Variants in PCDH11X observed in about 807,000 individuals in gnomAD.
The protein encoded by PCDH11X is protocadherin 11 X-linked.
Under a neutral mutation model 53.3 loss-of-function variants are expected in PCDH11X, and 18 were observed. That is an observed-to-expected ratio of 0.34 (90% CI 0.23 to 0.50). The LOEUF (loss-of-function observed/expected upper bound fraction) is 0.50. PCDH11X is among the 20% of genes least tolerant of loss of function. PCDH11X has a pLI of 0.98. For missense variants in PCDH11X, 570 were observed against 1,032.4 expected (o/e 0.55, Z 6.14); for synonymous variants, 279 against 393.3 (o/e 0.71, Z 3.44).
chrX:92,148,173 C>CTTCTTTCTTTCTTTCTTTCT (rs1260262520), intron 6 of PCDH11X, among the ~76,000 whole-genome samples: 7 of 8,391 alleles, frequency 8.3e-4, no homozygotes, highest in Admixed American at 2.4e-3. Context: ...TCCTTCCTTC[C>CTTCTTTCTTTCTTTCTTTCT]TTCTTTCTTT....
chrX:92,147,951 C>A (rs2065318242), intron 6 of PCDH11X, among the ~76,000 whole-genome samples: 1 of 90,121 alleles, frequency 1.1e-5, no homozygotes, highest in Non-Finnish European at 2.1e-5. Context: ...TCCTTCCTTC[C>A]TTTCCTTCTT....
In PCDH11X at chrX:92,175,514, A is replaced by C. The variant is rs185565227; in HGVS notation, c.3034-25861A>C. 4.7e-4 allele frequency among the ~76,000 whole-genome samples: 52 copies of C among 109,942 alleles called. 1 individual carries two copies. In the East Asian group the frequency reaches 0.013, roughly 27 times the overall value. ...AATGCTAGGCACCTTTAGTTAAAAAAATTTTCTAAATTTTTGAAGCAGGTA... is the reference window on the plus strand; with the variant it reads ...AATGCTAGGCACCTTTAGTTAAAAACATTTTCTAAATTTTTGAAGCAGGTA... On this transcript the variant is annotated intron_variant, in intron 6 of 10. Transcript: ENST00000682573.
chrX:92,547,615 A>G (rs2074878117), intron 10 of PCDH11X, among the ~76,000 whole-genome samples: 1 of 110,362 alleles, frequency 9.1e-6, no homozygotes, highest in Admixed American at 9.7e-5. Flanking sequence ...CATTATGAGG[A>G]TTTATATTTA....
intron 8 of PCDH11X, among the ~76,000 whole-genome samples, chrX:92,318,739 T>A (rs1005966827): frequency 9.0e-6 from 1 of 111,197 alleles, no homozygotes; most frequent in African/African-American, 3.3e-5. Flanking sequence ...ATAGGAAAAT[T>A]GGCTTGTCTA....
chrX:92,581,757 A>G (rs1923737490), intron 10 of PCDH11X, among the ~76,000 whole-genome samples: 2 of 111,607 alleles, frequency 1.8e-5, no homozygotes, highest in East Asian at 5.6e-4. Context: ...TCTGAAGCAG[A>G]TAGAAAAATG....
chrX:92,600,351 A>T (rs1245213731), intron 10 of PCDH11X, among the ~76,000 whole-genome samples: 7 of 110,969 alleles, frequency 6.3e-5, no homozygotes, highest in Non-Finnish European at 1.3e-4. Context: ...TGTGGGCCAG[A>T]TCCAGGGTTT....
rs752145938 is a variant in PCDH11X, at chrX:92,412,876, G to A, written c.3343+24943G>A. On this transcript the variant is annotated intron_variant, in intron 9 of 10. Transcript: ENST00000682573. ...TCTAAGATAAGCAGCTAGAAGCTTCGTATGTACATGATCATATGTACATGT... is the reference window on the plus strand; with the variant it reads ...TCTAAGATAAGCAGCTAGAAGCTTCATATGTACATGATCATATGTACATGT... Among the ~76,000 whole-genome samples, 7 of 109,865 alleles carry A rather than the reference G, an allele frequency of 6.4e-5. No individual in the cohort carries two copies. The South Asian group carries it at 1.9e-3, about 31-fold the overall frequency.
At chrX:92,605,259 G>T (rs1408050261) in intron 10 of PCDH11X, among the ~76,000 whole-genome samples, 10 of 110,253 alleles carry the variant, frequency 9.1e-5, no homozygotes, top group African/African-American at 2.3e-4. Context: ...AATAACAAAA[G>T]AAATTTGGAA....
intron 7 of PCDH11X, among the ~76,000 whole-genome samples, chrX:92,235,717 A>G (rs2067157884): frequency 9.0e-6 from 1 of 111,354 alleles, no homozygotes; most frequent in South Asian, 3.7e-4. Context: ...TGAAGAACCA[A>G]TTTGGAAGCA....
intron 6 of PCDH11X, among the ~76,000 whole-genome samples, chrX:91,973,495 T>C (rs2062001789): frequency 9.2e-6 from 1 of 108,680 alleles, no homozygotes; most frequent in Non-Finnish European, 1.9e-5. Flanking sequence ...ATTTTAAGTG[T>C]TCTCACCACA....
At chrX:91,924,170 T>A (rs866381643) in intron 6 of PCDH11X, among the ~76,000 whole-genome samples, 43 of 108,916 alleles carry the variant, frequency 3.9e-4, no homozygotes, top group African/African-American at 1.3e-3. Flanking sequence ...GCTAATCAGA[T>A]GATATTGCAG....
At chrX:92,191,037 T>A (rs1750563647) in intron 6 of PCDH11X, among the ~76,000 whole-genome samples, 1 of 112,287 alleles carries the variant, frequency 8.9e-6, no homozygotes, top group Non-Finnish European at 1.9e-5. Flanking sequence ...TATAAGTTAA[T>A]GCTAATTTTA....
intron 10 of PCDH11X, among the ~76,000 whole-genome samples, chrX:92,492,056 CTG>C (rs1441752955): frequency 8.9e-6 from 1 of 111,801 alleles, no homozygotes; most frequent in Non-Finnish European, 1.9e-5. Flanking sequence ...AATCGGAAAA[CTG>C]TAGTCTTTAA....
At chrX:92,114,319 T>C in intron 6 of PCDH11X, 1 of 962,893 alleles carries the variant, frequency 1.0e-6, no homozygotes, top group Non-Finnish European at 1.5e-6. Context: ...ACCATAGGCA[T>C]AGATGTCACG....
At chrX:92,544,695 T>A (rs886427381) in intron 10 of PCDH11X, among the ~76,000 whole-genome samples, 12 of 110,522 alleles carry the variant, frequency 1.1e-4, no homozygotes, top group Admixed American at 2.9e-4. Context: ...GTTAGATATG[T>A]TCAGCACAAA....
chrX:92,302,600 C>T (rs2068746232), intron 8 of PCDH11X, among the ~76,000 whole-genome samples: 1 of 111,088 alleles, frequency 9.0e-6, no homozygotes, highest in African/African-American at 3.3e-5. Context: ...TTTTTATAGC[C>T]TGGAGCTTAG....
intron 6 of PCDH11X, among the ~76,000 whole-genome samples, chrX:91,909,206 C>G (rs1175996003): frequency 2.7e-5 from 3 of 111,209 alleles, no homozygotes; most frequent in Non-Finnish European, 5.7e-5. Flanking sequence ...TTTGATTGCT[C>G]TCAGCCAACA....
chrX:91,800,910 G>A (rs1422168973), intron 1 of PCDH11X, among the ~76,000 whole-genome samples: 3 of 107,351 alleles, frequency 2.8e-5, no homozygotes, highest in South Asian at 4.3e-4. Context: ...ATTGCTGGGC[G>A]CCCTGGGCCT....
At chrX:92,125,468 C>G (rs1215022140) in intron 6 of PCDH11X, among the ~76,000 whole-genome samples, 1 of 110,536 alleles carries the variant, frequency 9.0e-6, no homozygotes, top group East Asian at 2.9e-4. Context: ...TTATCTGTCT[C>G]ATTGCTTCAT....
Sources: gnomAD v4.1 joint callset for allele counts (sites outside exome capture counted in the v4.1 genomes callset) on GRCh38, gnomAD v4.1.1 for gene constraint, MANE v1.5 for transcripts, NCBI Gene and HGNC (gene_info 2026-07-23, HGNC 2026-07-21) for gene names.